The following PRKN variants were observed in gnomAD, a reference collection of about 807,000 sequenced individuals.
PRKN encodes E3 ubiquitin-protein ligase parkin.
Under a neutral mutation model 59.5 loss-of-function variants are expected in PRKN, and 56 were observed. The ratio of observed to expected loss-of-function variants is 0.94; its 90% CI spans 0.76 to 1.18. The LOEUF (loss-of-function observed/expected upper bound fraction) is 1.18, where lower values mean the gene tolerates loss of function less well. Among genes scored for constraint, PRKN ranks in the 50% most tolerant of loss-of-function variants. The pLI is 0.00. For synonymous variants in PRKN, 250 were observed against 222.1 expected (o/e 1.13, Z -1.12); for missense variants, 657 against 596.4 (o/e 1.10, Z -1.06).
chr6:161,944,097 T>C (rs146144606), intron 6 of PRKN, among the ~76,000 whole-genome samples: 9 of 134,864 alleles, frequency 6.7e-5, no homozygotes, highest in Admixed American at 6.4e-4. Flanking sequence ...GCCTGAGGGA[T>C]CAGCCTGAGG....
At position 162,141,046 on chromosome 6, in the gene PRKN, C is replaced by T. The variant is rs941140825; in HGVS notation, c.534+60085G>A. Among the ~76,000 whole-genome samples the T allele has an allele frequency of 5.3e-5, 8 of 152,122 alleles. No individual in the cohort carries two copies. In the East Asian group the frequency reaches 9.7e-4, roughly 18 times the overall value. On this transcript the variant is annotated intron_variant, in intron 4 of 11. Transcript: ENST00000366898. ...TTCGGAGGCTGAGGCAGGAGAATGG[C>T]GTGAACCCGGGAGGCGGAGCTTGCA... is the stretch of plus-strand genomic sequence containing the variant.
At position 162,102,870 on chromosome 6, in the gene PRKN, C is replaced by T. The variant is rs542354075; in HGVS notation, c.535-48696G>A. Among the ~76,000 whole-genome samples the T allele has an allele frequency of 2.0e-4, 31 of 151,700 alleles. No individual in the cohort carries two copies. In the South Asian group the frequency reaches 2.9e-3, roughly 14 times the overall value. ...CATCCTGGCTAACACGGTGAAACCCCGTCTCTACTGAAAATACAAAAAATT... is the reference window on the plus strand; with the variant it reads ...CATCCTGGCTAACACGGTGAAACCCTGTCTCTACTGAAAATACAAAAAATT... On this transcript the variant is annotated intron_variant, in intron 4 of 11. Transcript: ENST00000366898.
At chr6:161,947,658 G>A (rs926321834) in intron 6 of PRKN, among the ~76,000 whole-genome samples, 7 of 152,204 alleles carry the variant, frequency 4.6e-5, no homozygotes, top group African/African-American at 1.7e-4. Context: ...TCGCAAGAAA[G>A]AAAGTTCCTT....
chr6:161,436,226 G>T, intron 9 of PRKN, among the ~76,000 whole-genome samples: 1 of 111,530 alleles, frequency 9.0e-6, no homozygotes, highest in Non-Finnish European at 1.9e-5. Context: ...AGGGTGGGAT[G>T]GGAGGGCAGA....
intron 4 of PRKN, among the ~76,000 whole-genome samples, chr6:162,055,033 G>A (rs549093807): frequency 2.0e-5 from 3 of 152,196 alleles, no homozygotes; most frequent in East Asian, 3.9e-4. Flanking sequence ...GTGGTGGCAC[G>A]CGCCTGTAAT....
intron 1 of PRKN, among the ~76,000 whole-genome samples, chr6:162,655,122 T>C (rs966131985): frequency 3.0e-4 from 45 of 152,238 alleles, no homozygotes; most frequent in African/African-American, 8.7e-4. Context: ...AATAAAAATA[T>C]ACATAATTTA....
intron 1 of PRKN, among the ~76,000 whole-genome samples, chr6:162,466,914 C>T (rs4357111): frequency 0.26 from 39,486 of 151,772 alleles, 5,245 homozygotes; most frequent in East Asian, 0.33. Context: ...CTGGTTACCT[C>T]GTTTCAATAA....
chr6:161,667,440 C>G (rs1339062126), intron 7 of PRKN, among the ~76,000 whole-genome samples: 1 of 152,220 alleles, frequency 6.6e-6, no homozygotes, highest in African/African-American at 2.4e-5. Flanking sequence ...CTTTCCTTCT[C>G]CAGCCCACAG....
chr6:162,100,410 G>A (rs896121340), intron 4 of PRKN, among the ~76,000 whole-genome samples: 7 of 151,086 alleles, frequency 4.6e-5, no homozygotes, highest in South Asian at 4.2e-4. Context: ...TTTTCTCCAC[G>A]TCCTTGCCAG....
At chr6:161,755,546 T>C (rs1788879908) in intron 7 of PRKN, among the ~76,000 whole-genome samples, 1 of 152,012 alleles carries the variant, frequency 6.6e-6, no homozygotes, top group Non-Finnish European at 1.5e-5. Context: ...TACTTTCATA[T>C]GTTGGGGGGA....
chr6:162,551,560 G>A (rs747050346), intron 1 of PRKN, among the ~76,000 whole-genome samples: 1 of 152,022 alleles, frequency 6.6e-6, no homozygotes, highest in East Asian at 1.9e-4. Flanking sequence ...TGGATATGCC[G>A]TTTTATTGAG....
chr6:162,537,734 T>TTTC (rs1778778067), intron 1 of PRKN, among the ~76,000 whole-genome samples: 1 of 152,174 alleles, frequency 6.6e-6, no homozygotes, highest in Admixed American at 6.5e-5. Flanking sequence ...CCTGTAGATG[T>TTTC]TTCCTCTTTC....
chr6:162,457,075 A>G (rs1790910890), intron 1 of PRKN, among the ~76,000 whole-genome samples: 1 of 152,246 alleles, frequency 6.6e-6, no homozygotes, highest in African/African-American at 2.4e-5. Context: ...GAACATGCTT[A>G]TTGAGCAACT....
intron 2 of PRKN, among the ~76,000 whole-genome samples, chr6:162,419,169 A>G (rs1313841836): frequency 2.0e-5 from 3 of 152,120 alleles, no homozygotes; most frequent in African/African-American, 7.2e-5. Context: ...TTACATCCTT[A>G]AGACTATGTC....
intron 1 of PRKN, among the ~76,000 whole-genome samples, chr6:162,502,986 C>T (rs1050498745): frequency 2.0e-5 from 3 of 151,560 alleles, no homozygotes; most frequent in Non-Finnish European, 4.4e-5. Flanking sequence ...CGTATATTAT[C>T]TTTCTTAATA....
At chr6:161,612,497 GA>G (rs1782522901) in intron 7 of PRKN, among the ~76,000 whole-genome samples, 1 of 152,064 alleles carries the variant, frequency 6.6e-6, no homozygotes, top group African/African-American at 2.4e-5. Context: ...GAAGCAGGTG[GA>G]TCATTTGAAG....
At chr6:162,136,545 T>C (rs1433129900) in intron 4 of PRKN, among the ~76,000 whole-genome samples, 1 of 152,216 alleles carries the variant, frequency 6.6e-6, no homozygotes, top group Non-Finnish European at 1.5e-5. Flanking sequence ...GTATGTAATT[T>C]GGAGTAAGTT....
intron 1 of PRKN, among the ~76,000 whole-genome samples, chr6:162,672,031 G>A (rs567638735): frequency 4.1e-4 from 62 of 152,084 alleles, no homozygotes; most frequent in Middle Eastern, 3.4e-3. Flanking sequence ...GACAGAGAGT[G>A]GGGCCAGACA....
At chr6:162,223,535 T>C (rs1175442096) in intron 3 of PRKN, among the ~76,000 whole-genome samples, 1 of 151,892 alleles carries the variant, frequency 6.6e-6, no homozygotes, top group Non-Finnish European at 1.5e-5. Flanking sequence ...GGTATTTGAC[T>C]AAATTAAATC....
Sources: allele counts gnomAD v4.1 joint callset (sites outside exome capture counted in the v4.1 genomes callset), GRCh38; gene constraint gnomAD v4.1.1; transcripts MANE v1.5; gene names NCBI Gene and HGNC (gene_info 2026-07-23, HGNC 2026-07-21).